The following PLA2G15 variants were observed in gnomAD, a reference collection of about 807,000 sequenced individuals.
PLA2G15 encodes phospholipase A2 group XV.
In PLA2G15, 20 loss-of-function variants were observed where a neutral mutation model predicts 40.9. The ratio of observed to expected loss-of-function variants is 0.49; its 90% CI spans 0.34 to 0.71. The LOEUF (loss-of-function observed/expected upper bound fraction) is 0.71, where lower values mean the gene tolerates loss of function less well. PLA2G15 is among the 30% of genes least tolerant of loss of function. The pLI, the probability that PLA2G15 is intolerant of heterozygous loss-of-function variation, is 0.01. For synonymous variants in PLA2G15, 223 were observed against 228.2 expected (o/e 0.98, Z 0.21); for missense variants, 471 against 541.9 (o/e 0.87, Z 1.30).
rs1359773483 is a variant in PLA2G15 at position 68,260,791 on chromosome 16, A to G, written c.*1134A>G. 6.6e-6 allele frequency: 1 copy of G among 152,260 alleles called. No individual in the cohort carries two copies. The highest frequency in any genetic ancestry group is 2.4e-5 in the African/African-American group (1 of 41,466). The allele number at this position is 152,260 out of a possible 1,614,324, so 9.4% of individuals were successfully genotyped here. On this transcript the variant is annotated 3_prime_UTR_variant, in exon 6 of 6. Coordinates refer to ENST00000219345, the MANE Select transcript of PLA2G15 (RefSeq NM_012320.4). ...CATGGATCTCCCTGTGGCAGCAGGCATGGAGAGTCAGGGCTGCCTTCATGG... is the reference window on the plus strand; with the variant it reads ...CATGGATCTCCCTGTGGCAGCAGGCGTGGAGAGTCAGGGCTGCCTTCATGG...
intron 2 of PLA2G15, chr16:68,252,745 A>T (rs1299185123): frequency 2.6e-6 from 1 of 384,782 alleles, no homozygotes; most frequent in African/African-American, 2.1e-5. Context: ...AGGCAGGAGG[A>T]TCGCTTGAGC....
At chr16:68,254,796 T>C (rs553947754) in intron 2 of PLA2G15, 123 bp from the exon 3 acceptor site, 1 of 693,924 alleles carries the variant, frequency 1.4e-6, no homozygotes, top group East Asian at 2.5e-5. Flanking sequence ...TTTCGGTCTC[T>C]CCTATCCATC....
chr16:68,248,639 G>T, intron 1 of PLA2G15: 1 of 570,114 alleles, frequency 1.8e-6, no homozygotes, highest in Non-Finnish European at 2.3e-6. Flanking sequence ...CACTCACCTC[G>T]GCCTCCCAAA....
intron 2 of PLA2G15, among the ~76,000 whole-genome samples, chr16:68,250,712 T>G (rs2042348486): frequency 1.3e-5 from 2 of 152,098 alleles, no homozygotes; most frequent in African/African-American, 4.8e-5. Context: ...ACCCCATCTC[T>G]ACCAAAAATA....
At chr16:68,252,845 G>C (rs55897859) in intron 2 of PLA2G15, among the ~76,000 whole-genome samples, 16,028 of 152,050 alleles carry the variant, frequency 0.11, 967 homozygotes, top group South Asian at 0.2. Context: ...GCCAGACCTG[G>C]TGGTGCCTGC....
chr16:68,255,153 C>A lies in PLA2G15; in HGVS notation c.403+116C>A. The A allele has an allele frequency of 1.0e-6, 1 of 970,064 alleles. No individual in the cohort carries two copies. Among genetic ancestry groups the A allele is most frequent in the Non-Finnish European group, 1.7e-6 (1 of 604,596 alleles). The allele number at this position is 970,064 out of a possible 1,614,324, so 60.1% of individuals were successfully genotyped here. ...GGACAGCCTGTGAGCTGTCTCTGAT[C>A]AGCGTGGGCACAGAGCCCTGTAGCA... is the stretch of plus-strand genomic sequence containing the variant. On this transcript the variant is annotated intron_variant, in intron 3 of 5. Transcript: ENST00000219345. The surrounding 1 kb of genome is among the most constrained non-coding windows in gnomAD (Gnocchi z 5.9).
intron 5 of PLA2G15, among the ~76,000 whole-genome samples, chr16:68,258,596 T>C (rs2042419150): frequency 6.6e-6 from 1 of 152,042 alleles, no homozygotes; most frequent in Non-Finnish European, 1.5e-5. Flanking sequence ...CTGGGCAACA[T>C]AGCAAGACCC....
Position 68,255,959 on chromosome 16 carries a change from C to G in PLA2G15, c.696C>G (p.Gly232=). The change falls in exon 5 of 6, where the codon GGC becomes GGG. Residue 232 remains glycine (G), a synonymous_variant. Transcript: ENST00000219345. The surrounding 1 kb of genome is among the most constrained non-coding windows in gnomAD (Gnocchi z 5.9). ...TGTCACTGGGTGCGCCCTGGGGGGG[C>G]GTGGCCAAGACCCTGCGCGTCCTGG... ...AFVSLGAPWG[G]VAKTLRVLAS... 6.2e-7 allele frequency: 1 copy of G among 1,610,990 alleles called. No homozygotes were observed. Among genetic ancestry groups the G allele is most frequent in the Non-Finnish European group, 8.5e-7 (1 of 1,179,202 alleles).
rs2042429741 is a variant in PLA2G15 at position 68,259,670 on chromosome 16, A to G, written c.*13A>G. 1 of 1,605,908 alleles carries G rather than the reference A, an allele frequency of 6.2e-7. No homozygotes were observed. Among genetic ancestry groups the G allele is most frequent in the Non-Finnish European group, 8.5e-7 (1 of 1,175,388 alleles). ...CCTTGGGCCCTGACTCCTGTGCCAC[A>G]GGACTCCTGTGGCTCGGCCGTGGAC... is the stretch of plus-strand genomic sequence containing the variant. On this transcript the variant is annotated 3_prime_UTR_variant, in exon 6 of 6. Transcript: ENST00000219345. The surrounding 1 kb of genome is among the most constrained non-coding windows in gnomAD (Gnocchi z 6.5).
In PLA2G15 at chr16:68,259,763, C is replaced by T. The variant is rs1242618668; in HGVS notation, c.*106C>T. On this transcript the variant is annotated 3_prime_UTR_variant, in exon 6 of 6. Coordinates refer to ENST00000219345, the MANE Select transcript of PLA2G15 (RefSeq NM_012320.4). The surrounding 1 kb of genome is among the most constrained non-coding windows in gnomAD (Gnocchi z 6.5). ...AAAGTTTGTGACTCACCATTCAAGG[C>T]CCCGAGTCTTGGACTGTGAAGCATC... is the stretch of plus-strand genomic sequence containing the variant. 3 of 1,043,104 alleles carry T rather than the reference C, an allele frequency of 2.9e-6. No individual in the cohort carries two copies. Among genetic ancestry groups the T allele is most frequent in the African/African-American group, 3.2e-5 (2 of 63,164 alleles). 64.6% of individuals were successfully genotyped at this position (1,043,104 alleles called of 1,614,324 possible).
intron 2 of PLA2G15, chr16:68,252,524 C>A (rs17688076): frequency 0.13 from 58,550 of 455,970 alleles, 4,279 homozygotes; most frequent in South Asian, 0.2. Flanking sequence ...AACCCTCTTC[C>A]CACAGGAGAT....
rs1460771952 is a variant in PLA2G15 at position 68,259,294 on chromosome 16, G to A, written c.876G>A (p.Leu292=). 1 of 1,613,950 alleles carries A rather than the reference G, an allele frequency of 6.2e-7. No homozygotes were observed. Among genetic ancestry groups the A allele is most frequent in the African/African-American group, 1.3e-5 (1 of 74,964 alleles). Residue 292 remains leucine (L), a synonymous_variant, in exon 6 of 6, where the codon CTG becomes CTA. Coordinates refer to ENST00000219345, the MANE Select transcript of PLA2G15 (RefSeq NM_012320.4). The surrounding 1 kb of genome is among the most constrained non-coding windows in gnomAD (Gnocchi z 6.5). ...AGACACCCACAATCAACTACACACTGCGGGACTACCGCAAGTTCTTCCAGG... is the reference window on the plus strand; with the variant it reads ...AGACACCCACAATCAACTACACACTACGGGACTACCGCAAGTTCTTCCAGG... ...FVQTPTINYT[L]RDYRKFFQDI...
intron 5 of PLA2G15, among the ~76,000 whole-genome samples, chr16:68,258,146 T>A (rs1381005952): frequency 6.6e-6 from 1 of 152,170 alleles, no homozygotes; most frequent in African/African-American, 2.4e-5. Flanking sequence ...GCCGGGTGTT[T>A]GTGTTGTTCA....
intron 5 of PLA2G15, 90 bp downstream of exon 5, chr16:68,256,080 C>T: frequency 1.2e-6 from 1 of 803,886 alleles, no homozygotes; most frequent in East Asian, 2.7e-5. Context: ...GCCAGCATGC[C>T]TCGTGTCTGT....
intron 2 of PLA2G15, among the ~76,000 whole-genome samples, chr16:68,253,707 T>TTTTTGG (rs2042375158): frequency 1.4e-5 from 2 of 146,456 alleles, no homozygotes; most frequent in Admixed American, 6.8e-5. Context: ...TTTTTTTTTT[T>TTTTTGG]GAGACAGGGT....
chr16:68,249,955 C>T (rs926623230), intron 2 of PLA2G15, among the ~76,000 whole-genome samples: 1 of 152,156 alleles, frequency 6.6e-6, no homozygotes, highest in African/African-American at 2.4e-5. Flanking sequence ...GCTGGGATTA[C>T]AGGCATGAGC....
chr16:68,255,247 G>GT lies in PLA2G15; in HGVS notation c.404-34dup. On this transcript the variant is annotated intron_variant, in intron 3 of 5. Coordinates refer to ENST00000219345, the MANE Select transcript of PLA2G15 (RefSeq NM_012320.4). This position sits in a 1 kb window ranked among gnomAD's most constrained non-coding sequence, Gnocchi z 5.9. ...ATAGTGTAGGTGGCCGGCACTAGCT[G>GT]TATCTTTTCTTATCCTCTGTATTTC... 6.7e-7 allele frequency: 1 copy of GT among 1,498,740 alleles called. No homozygotes were observed. The highest frequency in any genetic ancestry group is 2.3e-5 in the East Asian group (1 of 44,326). The allele number at this position is 1,498,740 out of a possible 1,614,324, so 92.8% of individuals were successfully genotyped here.
chr16:68,251,172 G>A (rs1055411572), intron 2 of PLA2G15, among the ~76,000 whole-genome samples: 1 of 151,950 alleles, frequency 6.6e-6, no homozygotes, highest in Non-Finnish European at 1.5e-5. Context: ...AAATCTGGAG[G>A]CTCAATGAGG....
Position 68,255,681 on chromosome 16 carries a change from C to T in PLA2G15, c.503-85C>T, listed in dbSNP as rs1469792780. 12 of 1,139,482 alleles carry T rather than the reference C, an allele frequency of 1.1e-5. No individual in the cohort carries two copies. The highest frequency in any genetic ancestry group is 1.5e-5 in the Non-Finnish European group (11 of 756,314). The allele number at this position is 1,139,482 out of a possible 1,614,324, so 70.6% of individuals were successfully genotyped here. A position where few individuals can be genotyped will look rare whatever the true frequency, so the allele number is the denominator to read the frequency against. ...TGTGAGCACCCTCCCCTCCCCCTCTCGTCTTGTGTCTGGCCTGAGAAAAGC... is the reference window on the plus strand; with the variant it reads ...TGTGAGCACCCTCCCCTCCCCCTCTTGTCTTGTGTCTGGCCTGAGAAAAGC... On this transcript the variant is annotated intron_variant, in intron 4 of 5. Coordinates refer to ENST00000219345, the MANE Select transcript of PLA2G15 (RefSeq NM_012320.4). This position sits in a 1 kb window ranked among gnomAD's most constrained non-coding sequence, Gnocchi z 5.9.
Sources: gnomAD v4.1 joint callset for allele counts (sites outside exome capture counted in the v4.1 genomes callset) on GRCh38, gnomAD v4.1.1 for gene constraint, Gnocchi (gnomAD v3.1) non-coding constraint, MANE v1.5 for transcripts, NCBI Gene and HGNC (gene_info 2026-07-23, HGNC 2026-07-21) for gene names.